Variants in MRGPRX3 observed in about 807,000 individuals in gnomAD.
The protein encoded by MRGPRX3 is mas-related G protein-coupled receptor member X3.
A neutral mutation model predicts 16.5 loss-of-function variants in MRGPRX3; 14 were observed. The observed-to-expected ratio is 0.85, with a 90% CI of 0.56 to 1.33. The LOEUF (loss-of-function observed/expected upper bound fraction) is 1.33. Ranked by LOEUF, MRGPRX3 falls within the 40% of genes most tolerant of loss-of-function variation. The pLI is 0.00. For synonymous variants in MRGPRX3, 199 were observed against 180.1 expected (o/e 1.10, Z -0.84); for missense variants, 449 against 413.0 (o/e 1.09, Z -0.76).
chr11:18,123,520 G>A (rs141269638), intron 1 of MRGPRX3, among the ~76,000 whole-genome samples: 26,544 of 152,008 alleles, frequency 0.17, 2,520 homozygotes, highest in Middle Eastern at 0.27. Flanking sequence ...TTATTTCTGA[G>A]GGCTCTGTTC....
chr11:18,134,256 T>C (rs1340962587), intron 1 of MRGPRX3, among the ~76,000 whole-genome samples: 1 of 152,228 alleles, frequency 6.6e-6, no homozygotes, highest in African/African-American at 2.4e-5. Context: ...AGAAATATCT[T>C]AAACAAGAAA....
chr11:18,137,755 G>A lies in MRGPRX3; in HGVS notation c.553G>A (p.Val185Ile). The change falls in exon 2 of 2, where the codon GTT (valine) becomes ATT (isoleucine). Residue 185 changes from valine (V) to isoleucine (I), a missense_variant. Coordinates refer to ENST00000621697, the MANE Select transcript of MRGPRX3 (RefSeq NM_001370464.1). The stretch of plus-strand genomic sequence containing the variant: ...AGATTTCATTACAATCGCGTGGCTG[G>A]TTTTTTTATGTGTGGTTCTCTGTGG... ...TSDFITIAWLVFLCVVLCGSS... is the reference protein window; with the variant it reads ...TSDFITIAWLIFLCVVLCGSS... 6.2e-7 allele frequency: 1 copy of A among 1,614,036 alleles called. No homozygotes were observed. The highest frequency in any genetic ancestry group is 1.1e-5 in the South Asian group (1 of 91,048).
At chr11:18,136,103 T>C (rs2134085527) in intron 1 of MRGPRX3, among the ~76,000 whole-genome samples, 1 of 152,312 alleles carries the variant, frequency 6.6e-6, no homozygotes, top group Non-Finnish European at 1.5e-5. Flanking sequence ...ACTCCTCTCA[T>C]ACAAATGTTT....
rs746156848 is a variant in MRGPRX3, at chr11:18,137,510, C to A, written c.308C>A (p.Thr103Asn). 2 of 1,614,024 alleles carry A rather than the reference C, an allele frequency of 1.2e-6. No homozygotes were observed. Among genetic ancestry groups the A allele is most frequent in the African/African-American group, 2.7e-5 (2 of 74,908 alleles). Residue 103 changes from threonine to asparagine, a missense_variant, in exon 2 of 2, where the codon ACC becomes AAC. Thr to Asn is a moderately conservative substitution (Grantham distance 65). Transcript: ENST00000621697. ...PISKILSPVM[T>N]FPYFIGLSML... is the part of the protein sequence containing the mutation. ...TCCAAAATCCTCAGTCCTGTGATGACCTTTCCCTACTTTATAGGCCTAAGC... is the reference window on the plus strand; with the variant it reads ...TCCAAAATCCTCAGTCCTGTGATGAACTTTCCCTACTTTATAGGCCTAAGC...
At chr11:18,121,503 C>G (rs1848836482) in intron 1 of MRGPRX3, among the ~76,000 whole-genome samples, 1 of 152,260 alleles carries the variant, frequency 6.6e-6, no homozygotes, top group Admixed American at 6.5e-5. Context: ...GAGGTGTGCC[C>G]AACAGCTCAT....
intron 1 of MRGPRX3, among the ~76,000 whole-genome samples, chr11:18,135,215 G>A (rs557360566): frequency 1.3e-5 from 2 of 152,306 alleles, no homozygotes; most frequent in East Asian, 3.9e-4. Context: ...ATCATAGCAT[G>A]TTAAACAACA....
chr11:18,136,734 C>CTT (rs1205336928), intron 1 of MRGPRX3, among the ~76,000 whole-genome samples: 2 of 152,362 alleles, frequency 1.3e-5, no homozygotes, highest in Admixed American at 1.3e-4. Flanking sequence ...CATTTTCACA[C>CTT]ATCCTAGCGA....
At chr11:18,131,954 G>A (rs878929905), upstream of MRGPRX3, among the ~76,000 whole-genome samples, 2 of 152,132 alleles carry the variant, frequency 1.3e-5, no homozygotes, top group Admixed American at 6.5e-5. Context: ...ATTGGGTACA[G>A]TGTACACTGC....
upstream of MRGPRX3, among the ~76,000 whole-genome samples, chr11:18,129,566 G>A (rs952928790): frequency 1.4e-4 from 21 of 152,074 alleles, no homozygotes; most frequent in Non-Finnish European, 7.4e-5. Context: ...CCAACAAAAA[G>A]TACAAGACCA....
At chr11:18,125,682 GT>G (rs1449839127) in intron 1 of MRGPRX3, among the ~76,000 whole-genome samples, 3 of 152,164 alleles carry the variant, frequency 2.0e-5, no homozygotes, top group African/African-American at 7.2e-5. Context: ...GGGGTGGAGA[GT>G]TCTGTAGATG....
chr11:18,128,400 C>A (rs998610002), upstream of MRGPRX3, among the ~76,000 whole-genome samples: 1 of 152,254 alleles, frequency 6.6e-6, no homozygotes, highest in African/African-American at 2.4e-5. Flanking sequence ...GGCAGGCAGG[C>A]CTCCTTGAGC....
In MRGPRX3 at chr11:18,137,829, G is replaced by A. The variant is rs1196665001; in HGVS notation, c.627G>A (p.Met209Ile). The A allele has an allele frequency of 2.5e-6, 4 of 1,614,214 alleles. No individual in the cohort carries two copies. The highest frequency in any genetic ancestry group is 2.2e-5 in the South Asian group (2 of 91,080). Residue 209 changes from methionine to isoleucine, a missense_variant, in exon 2 of 2, where the codon ATG becomes ATA. Coordinates refer to ENST00000621697, the MANE Select transcript of MRGPRX3 (RefSeq NM_001370464.1). ...GGATTCTCTGTGGATCCCGGAAGATGCCGCTGACCAGGCTGTACGTGACCA... is the reference window on the plus strand; with the variant it reads ...GGATTCTCTGTGGATCCCGGAAGATACCGCTGACCAGGCTGTACGTGACCA... ...LVRILCGSRK[M>I]PLTRLYVTIL...
rs1267176541 is a variant in MRGPRX3, at chr11:18,137,481, C to T, written c.279C>T (p.Pro93=). ...TACGCCTCATCAATATCCGCCATCC[C>T]ATCTCCAAAATCCTCAGTCCTGTGA... ...SPLRLINIRH[P]ISKILSPVMT... The change falls in exon 2 of 2, where the codon CCC becomes CCT. Residue 93 remains proline, a synonymous_variant. Transcript: ENST00000621697. 1.1e-5 allele frequency: 18 copies of T among 1,614,046 alleles called. No individual in the cohort carries two copies. Among genetic ancestry groups the T allele is most frequent in the Admixed American group, 1.7e-5 (1 of 60,002 alleles).
chr11:18,130,306 G>C (rs959533878), upstream of MRGPRX3, among the ~76,000 whole-genome samples: 2 of 152,050 alleles, frequency 1.3e-5, no homozygotes, highest in Non-Finnish European at 2.9e-5. Context: ...AAAGCTCCTA[G>C]AACTGATACA....
Position 18,137,762 on chromosome 11 carries a change from T to A in MRGPRX3, c.560T>A (p.Leu187Ter), listed in dbSNP as rs779999903. 2.5e-6 allele frequency: 4 copies of A among 1,614,152 alleles called. No individual in the cohort carries two copies. In the East Asian group the frequency reaches 6.7e-5, roughly 27 times the overall value. ...ATTACAATCGCGTGGCTGGTTTTTTTATGTGTGGTTCTCTGTGGGTCCAGC... is the reference window on the plus strand; with the variant it reads ...ATTACAATCGCGTGGCTGGTTTTTTAATGTGTGGTTCTCTGTGGGTCCAGC... ...DFITIAWLVF[L>*]CVVLCGSSLV... The change falls in exon 2 of 2, where the codon TTA (leucine) becomes TAA (stop). Residue 187 changes from leucine (L) to a stop codon, truncating the protein, a stop_gained. Transcript: ENST00000621697. LOFTEE classifies it high-confidence loss of function.
intron 1 of MRGPRX3, among the ~76,000 whole-genome samples, chr11:18,125,937 A>G (rs1052760395): frequency 6.6e-6 from 1 of 152,204 alleles, no homozygotes; most frequent in Non-Finnish European, 1.5e-5. Context: ...CTTTACCATT[A>G]TGTAATGGCC....
intron 1 of MRGPRX3, among the ~76,000 whole-genome samples, chr11:18,134,573 T>A (rs1403150322): frequency 6.6e-5 from 10 of 152,224 alleles, no homozygotes; most frequent in Middle Eastern, 3.2e-3. Flanking sequence ...GTGCTGGGGT[T>A]CTGGAAAGAA....
chr11:18,131,432 A>G (rs527675779), upstream of MRGPRX3, among the ~76,000 whole-genome samples: 1 of 152,224 alleles, frequency 6.6e-6, no homozygotes, highest in African/African-American at 2.4e-5. Context: ...ACAGGAAAAA[A>G]TGCTTAACAT....
chr11:18,122,381 C>G (rs546798256), intron 1 of MRGPRX3, among the ~76,000 whole-genome samples: 1 of 152,148 alleles, frequency 6.6e-6, no homozygotes, highest in Non-Finnish European at 1.5e-5. Context: ...TGTTCCCTGC[C>G]CTGTGTCCAA....
Sources: gnomAD v4.1 joint callset for allele counts (sites outside exome capture counted in the v4.1 genomes callset) on GRCh38, gnomAD v4.1.1 for gene constraint, MANE v1.5 for transcripts, NCBI Gene and HGNC (gene_info 2026-07-23, HGNC 2026-07-21) for gene names.